FUT8: variants seen among roughly 807,000 people sequenced by gnomAD.
The protein encoded by FUT8 is fucosyltransferase 8.
In FUT8, 29 loss-of-function variants were observed where a neutral mutation model predicts 71.3. The ratio of observed to expected loss-of-function variants is 0.41; its 90% confidence interval spans 0.30 to 0.55. The LOEUF (loss-of-function observed/expected upper bound fraction) is 0.55. Among genes scored for constraint, FUT8 ranks in the 20% least tolerant of loss-of-function variants. The pLI, the probability that FUT8 is intolerant of heterozygous loss-of-function variation, is 0.34. For missense variants in FUT8, 544 were observed against 702.1 expected, an observed-to-expected ratio of 0.77 and a Z score of 2.55; for synonymous variants, 254 against 239.3, an observed-to-expected ratio of 1.06 and a Z score of -0.57.
the FUT8 span, among the ~76,000 whole-genome samples, chr14:65,377,646 G>A: frequency 6.6e-6 from 1 of 152,156 alleles, no homozygotes; most frequent in Non-Finnish European, 1.5e-5. Context: ...CTTGGTTTAA[G>A]TAGAAAGGAG....
chr14:65,471,230 G>C (rs773674465), intron 2 of FUT8: 1 of 182,650 alleles, frequency 5.5e-6, no homozygotes, highest in African/African-American at 2.4e-5. Context: ...TCTTTTTCTC[G>C]GTCAAAGGAT....
chr14:65,406,939 G>T (rs1239085989), upstream of FUT8, among the ~76,000 whole-genome samples: 2 of 152,176 alleles, frequency 1.3e-5, no homozygotes, highest in Non-Finnish European at 2.9e-5. Flanking sequence ...CTGCCATGGG[G>T]TGATGCCAAG....
At chr14:65,465,645 G>C (rs1455691772) in intron 2 of FUT8, among the ~76,000 whole-genome samples, 1 of 152,148 alleles carries the variant, frequency 6.6e-6, no homozygotes, top group African/African-American at 2.4e-5. Flanking sequence ...ATTGTGGTGT[G>C]TCTATTTGTA....
the FUT8 span, among the ~76,000 whole-genome samples, chr14:65,403,201 T>C: frequency 1.3e-5 from 2 of 152,224 alleles, no homozygotes; most frequent in African/African-American, 4.8e-5. Flanking sequence ...CTTAGGAGTA[T>C]TATATGTAAT....
At chr14:65,516,352 CA>C (rs1882707212) in intron 2 of FUT8, 1 of 152,120 alleles carries the variant, frequency 6.6e-6, no homozygotes, top group Admixed American at 6.5e-5. Context: ...AGTTGAAAAT[CA>C]GGAAGTGCGG....
At chr14:65,379,741 C>T in the FUT8 span, among the ~76,000 whole-genome samples, 1 of 152,112 alleles carries the variant, frequency 6.6e-6, no homozygotes, top group Non-Finnish European at 1.5e-5. Context: ...ATACCATGGA[C>T]TGAGTAATGT....
intron 3 of FUT8, among the ~76,000 whole-genome samples, chr14:65,602,730 G>A (rs1354911504): frequency 6.6e-6 from 1 of 151,768 alleles, no homozygotes; most frequent in Non-Finnish European, 1.5e-5. Flanking sequence ...GAGTAAGGTG[G>A]TATCACATTG....
chr14:65,502,832 G>T (rs916323987), intron 2 of FUT8, among the ~76,000 whole-genome samples: 15 of 152,146 alleles, frequency 9.9e-5, no homozygotes, highest in Non-Finnish European at 2.2e-4. Flanking sequence ...TGAATCAGTT[G>T]AGGATCTTGG....
At chr14:65,542,981 C>T (rs1449038880) in intron 2 of FUT8, among the ~76,000 whole-genome samples, 4 of 152,078 alleles carry the variant, frequency 2.6e-5, no homozygotes. Flanking sequence ...GGGGTTTCAC[C>T]ATGTTGGTCA....
At chr14:65,369,902 A>G in the FUT8 span, among the ~76,000 whole-genome samples, 2 of 152,110 alleles carry the variant, frequency 1.3e-5, no homozygotes, top group East Asian at 1.9e-4. This position sits in a 1 kb window ranked among gnomAD's most constrained non-coding sequence, Gnocchi z 4.6. Context: ...TACTTTCTTC[A>G]TAAACTTGCT....
intron 3 of FUT8, among the ~76,000 whole-genome samples, chr14:65,565,381 C>T (rs779889683): frequency 3.6e-4 from 54 of 151,694 alleles, no homozygotes; most frequent in Non-Finnish European, 7.5e-4. Flanking sequence ...CAAGATATAT[C>T]ACTTTTTTTT....
chr14:65,426,858 A>G (rs1292903404), intron 1 of FUT8, among the ~76,000 whole-genome samples: 1 of 151,698 alleles, frequency 6.6e-6, no homozygotes, highest in Non-Finnish European at 1.5e-5. Flanking sequence ...CACATAACAC[A>G]TTTTCTTTCT....
intron 7 of FUT8, among the ~76,000 whole-genome samples, chr14:65,675,962 A>T (rs1241917915): frequency 1.3e-5 from 2 of 152,146 alleles, no homozygotes; most frequent in African/African-American, 2.4e-5. Flanking sequence ...GCGCCACTGC[A>T]CTCCAGCCTG....
intron 9 of FUT8, among the ~76,000 whole-genome samples, chr14:65,728,874 A>G (rs1895815691): frequency 6.6e-6 from 1 of 152,146 alleles, no homozygotes; most frequent in African/African-American, 2.4e-5. Flanking sequence ...TGATGTTTGC[A>G]TGATGATAAC....
chr14:65,626,405 C>T (rs1889897865), intron 5 of FUT8, among the ~76,000 whole-genome samples: 1 of 152,184 alleles, frequency 6.6e-6, no homozygotes, highest in Non-Finnish European at 1.5e-5. Flanking sequence ...AAAGCTCTCT[C>T]CTCTGATTCA....
chr14:65,419,187 G>A lies in FUT8; in HGVS notation c.-326+5973G>A, dbSNP rs1344204233. On this transcript the variant is annotated intron_variant, in intron 1 of 10. Transcript: ENST00000673929. ...AGGCAGGAGAATCACTTGAACCCAGGAGGCGGAGGTTGCAGTGAGCCGAGA... is the reference window on the plus strand; with the variant it reads ...AGGCAGGAGAATCACTTGAACCCAGAAGGCGGAGGTTGCAGTGAGCCGAGA... 2.6e-5 allele frequency among the ~76,000 whole-genome samples: 4 copies of A among 152,164 alleles called. No homozygotes were observed. The East Asian group carries it at 7.7e-4, about 29-fold the overall frequency.
chr14:65,474,319 G>C (rs2066196247), intron 2 of FUT8, among the ~76,000 whole-genome samples: 1 of 150,892 alleles, frequency 6.6e-6, no homozygotes, highest in African/African-American at 2.4e-5. Context: ...TAAAAAAAAA[G>C]AGGCCAGGCA....
the FUT8 span, among the ~76,000 whole-genome samples, chr14:65,403,190 T>C: frequency 6.6e-6 from 1 of 152,234 alleles, no homozygotes; most frequent in Admixed American, 6.5e-5. Context: ...CAGGCTCTGT[T>C]CTTAGGAGTA....
chr14:65,393,346 G>A, the FUT8 span, among the ~76,000 whole-genome samples: 25 of 152,300 alleles, frequency 1.6e-4, no homozygotes, highest in East Asian at 4.8e-3. Context: ...GAGATTCTGT[G>A]CTGTGGAAAT....
Sources: allele counts gnomAD v4.1 joint callset (sites outside exome capture counted in the v4.1 genomes callset), GRCh38; gene constraint gnomAD v4.1.1; non-coding constraint Gnocchi (gnomAD v3.1); transcripts MANE v1.5; gene names NCBI Gene and HGNC (gene_info 2026-07-23, HGNC 2026-07-21).